Variants in PLCL2 observed in about 807,000 individuals in gnomAD.
The protein encoded by PLCL2 is inactive phospholipase C-like protein 2.
Under a neutral mutation model 79.6 loss-of-function variants are expected in PLCL2, and 4 were observed. The ratio of observed to expected loss-of-function variants is 0.05; its 90% CI spans 0.02 to 0.11. The LOEUF is 0.11. Among genes scored for constraint, PLCL2 ranks in the 10% least tolerant of loss-of-function variants. The pLI, the probability that PLCL2 is intolerant of heterozygous loss-of-function variation, is 1.00. For synonymous variants in PLCL2, 484 were observed against 457.7 expected, an observed-to-expected ratio of 1.06 and a Z score of -0.73; for missense variants, 895 against 1,291.0, an observed-to-expected ratio of 0.69 and a Z score of 4.70.
At chr3:16,920,852 A>T (rs1162117730) in intron 1 of PLCL2, among the ~76,000 whole-genome samples, 1 of 152,208 alleles carries the variant, frequency 6.6e-6, no homozygotes, top group East Asian at 1.9e-4. Flanking sequence ...ACCAAATCAT[A>T]ATCTATAAAT....
At position 17,010,099 on chromosome 3, in the gene PLCL2, T is replaced by G. The variant is rs758603989; in HGVS notation, c.753T>G (p.Ser251=). The change falls in exon 2 of 6, where the codon TCT becomes TCG. Residue 251 remains serine (S), a synonymous_variant. Transcript: ENST00000615277. The surrounding 1 kb of genome is among the most constrained non-coding windows in gnomAD (Gnocchi z 5.8). ...TTACAGGACTGCGGTACCTAATTTC[T>G]TATGGAAAACATACACTTGATATGT... ...IWVTGLRYLI[S]YGKHTLDMLE... 1.9e-6 allele frequency: 3 copies of G among 1,614,104 alleles called. No individual in the cohort carries two copies. The highest frequency in any genetic ancestry group is 1.7e-5 in the Admixed American group (1 of 60,016).
At chr3:17,040,127 T>G (rs79980806) in intron 3 of PLCL2, among the ~76,000 whole-genome samples, 1 of 152,054 alleles carries the variant, frequency 6.6e-6, no homozygotes, top group East Asian at 1.9e-4. Context: ...TGTTCTTTTT[T>G]TTATATATAT....
rs77591817 is a variant in PLCL2, at chr3:17,059,172, A to G, written c.3095-8784A>G. Among the ~76,000 whole-genome samples the G allele has an allele frequency of 2.2e-3, 337 of 152,304 alleles. 2 individuals are homozygous for G. The highest frequency in any genetic ancestry group is 7.6e-3 in the African/African-American group (315 of 41,558). ...TTACCAGGAGGGCCCTGGGACATAC[A>G]TTATGATACATCCTTATAATGGAAC... On this transcript the variant is annotated intron_variant, in intron 4 of 5. Coordinates refer to ENST00000615277, the MANE Select transcript of PLCL2 (RefSeq NM_001144382.2).
At chr3:17,044,914 AT>A (rs2064764978) in intron 4 of PLCL2, among the ~76,000 whole-genome samples, 1 of 152,166 alleles carries the variant, frequency 6.6e-6, no homozygotes, top group Admixed American at 6.5e-5. Context: ...AGGGATTTTG[AT>A]TAGGATGGGG....
chr3:17,089,895 G>A lies in PLCL2; in HGVS notation c.3367G>A (p.Asp1123Asn), dbSNP rs144964120. Residue 1123 changes from aspartate to asparagine, a missense_variant, in exon 6 of 6, where the codon GAT (aspartate) becomes AAT (asparagine). By Grantham distance (23) the Asp-to-Asn change is conservative (BLOSUM62 1). Transcript: ENST00000615277. ...GGAAGTCATACCCGAAAAAGCAAAC[G>A]ATGAAACTGGAGAATGAGGAAACTT... ...SLEVIPEKAN[D>N]ETGE The A allele has an allele frequency of 2.3e-5, 37 of 1,612,706 alleles. No homozygotes were observed. In the African/African-American group the frequency reaches 3.1e-4, roughly 13 times the overall value.
intron 1 of PLCL2, among the ~76,000 whole-genome samples, chr3:16,926,265 T>A (rs1479361458): frequency 6.6e-6 from 1 of 152,202 alleles, no homozygotes; most frequent in Non-Finnish European, 1.5e-5. Flanking sequence ...CATAATCAAA[T>A]GCTCCAGAAT....
At chr3:17,040,567 G>C (rs915725553) in intron 3 of PLCL2, among the ~76,000 whole-genome samples, 5 of 152,164 alleles carry the variant, frequency 3.3e-5, no homozygotes, top group Non-Finnish European at 7.4e-5. Flanking sequence ...TAAATGGGGA[G>C]TCAGCCGTGA....
Position 17,011,767 on chromosome 3 carries a change from C to T in PLCL2, c.2421C>T (p.Asp807=), listed in dbSNP as rs144668204. Reference sequence around the variant, plus strand: ...CAAAAACAGTGCACCAGAATGGAGACGCTCCCATTTTTGATGAAAGCTTTG... The same window carrying T: ...CAAAAACAGTGCACCAGAATGGAGATGCTCCCATTTTTGATGAAAGCTTTG... ...QRTKTVHQNG[D]APIFDESFEF... is the part of the protein sequence containing the mutation. The change falls in exon 2 of 6, where the codon GAC becomes GAT. Residue 807 remains aspartate, a synonymous_variant. Coordinates refer to ENST00000615277, the MANE Select transcript of PLCL2 (RefSeq NM_001144382.2). This position sits in a 1 kb window ranked among gnomAD's most constrained non-coding sequence, Gnocchi z 7.9. The T allele has an allele frequency of 1.4e-5, 22 of 1,614,038 alleles. No individual in the cohort carries two copies. The highest frequency in any genetic ancestry group is 1.0e-4 in the Admixed American group (6 of 60,002).
intron 3 of PLCL2, among the ~76,000 whole-genome samples, chr3:17,018,433 T>C (rs1328064312): frequency 1.3e-5 from 2 of 152,190 alleles, no homozygotes; most frequent in Non-Finnish European, 2.9e-5. Context: ...TCCCATGATT[T>C]TGGGGCTCAA....
At position 16,933,227 on chromosome 3, in the gene PLCL2, C is replaced by A. The variant is rs537488110; in HGVS notation, c.327+47861C>A. ...AGCAGTGCTCCCCTGTGACGTGCTCCATCACCGGGCAGGGAAGACACCGCT... is the reference window on the plus strand; with the variant it reads ...AGCAGTGCTCCCCTGTGACGTGCTCAATCACCGGGCAGGGAAGACACCGCT... On this transcript the variant is annotated intron_variant, in intron 1 of 5. Coordinates refer to ENST00000615277, the MANE Select transcript of PLCL2 (RefSeq NM_001144382.2). The A allele has an allele frequency of 2.2e-4, 34 of 154,930 alleles. 1 individual carries two copies. In the South Asian group the frequency reaches 6.5e-3, roughly 30 times the overall value. The allele number at this position is 154,930 out of a possible 1,614,324, so 9.6% of individuals were successfully genotyped here.
In PLCL2 at chr3:17,011,355, G is replaced by A. The variant is rs766089294; in HGVS notation, c.2009G>A (p.Arg670His). The A allele has an allele frequency of 4.3e-6, 7 of 1,613,938 alleles. No homozygotes were observed. In the South Asian group the frequency reaches 5.5e-5, roughly 13 times the overall value. The change falls in exon 2 of 6, where the codon CGT becomes CAT. Residue 670 changes from arginine to histidine, a missense_variant. Physicochemically the swap from Arg to His is conservative, Grantham distance 29. This residue lies in a region of PLCL2 where 242 missense variants were observed against 399.5 expected (regional missense o/e 0.61). Coordinates refer to ENST00000615277, the MANE Select transcript of PLCL2 (RefSeq NM_001144382.2). The surrounding 1 kb of genome is among the most constrained non-coding windows in gnomAD (Gnocchi z 7.9). The stretch of plus-strand genomic sequence containing the variant: ...GGGGACTTTGTAAATTACAACAAAC[G>A]TTTTCTTGCTAGGGTTTTTCCCAGT... ...NPGDFVNYNK[R>H]FLARVFPSPM... is the part of the protein sequence containing the mutation.
intron 1 of PLCL2, among the ~76,000 whole-genome samples, chr3:16,940,529 A>G (rs544735588): frequency 5.1e-4 from 77 of 152,208 alleles, no homozygotes; most frequent in Non-Finnish European, 9.4e-4. Flanking sequence ...AAAACTACCT[A>G]TCGGATACTG....
Position 16,961,126 on chromosome 3 carries a change from C to A in PLCL2, c.328-48548C>A, listed in dbSNP as rs972690305. ...TGTTTCAGTGGAGATGGAGACCCCA[C>A]GCTTTCCTTAGGATAACCTTCTAAC... On this transcript the variant is annotated intron_variant, in intron 1 of 5. Coordinates refer to ENST00000615277, the MANE Select transcript of PLCL2 (RefSeq NM_001144382.2). Among the ~76,000 whole-genome samples the A allele has an allele frequency of 2.6e-5, 4 of 152,304 alleles. No homozygotes were observed. The South Asian group carries it at 8.3e-4, about 32-fold the overall frequency.
At chr3:16,897,246 C>A (rs1284968752) in intron 1 of PLCL2, among the ~76,000 whole-genome samples, 1 of 151,610 alleles carries the variant, frequency 6.6e-6, no homozygotes, top group South Asian at 2.1e-4. Flanking sequence ...GTGAAAATGA[C>A]AGTCTGCCCT....
At position 17,011,268 on chromosome 3, in the gene PLCL2, A is replaced by C; in HGVS notation, c.1922A>C (p.Lys641Thr). 1.2e-6 allele frequency: 2 copies of C among 1,614,234 alleles called. No individual in the cohort carries two copies. Among genetic ancestry groups the C allele is most frequent in the Non-Finnish European group, 1.7e-6 (2 of 1,180,042 alleles). Residue 641 changes from lysine to threonine, a missense_variant, in exon 2 of 6, where the codon AAG (lysine) becomes ACG (threonine). Coordinates refer to ENST00000615277, the MANE Select transcript of PLCL2 (RefSeq NM_001144382.2). This position sits in a 1 kb window ranked among gnomAD's most constrained non-coding sequence, Gnocchi z 7.9. ...TTTCAGGTGTCGTTTCAGGTTCAGA[A>C]GTACTGGGAAGTCTGTTCCTTTAAT... Reference protein sequence around the residue: ...KEFQVSFQVQKYWEVCSFNEV... With the variant: ...KEFQVSFQVQTYWEVCSFNEV...
chr3:17,028,591 C>A (rs2064543900), intron 3 of PLCL2, among the ~76,000 whole-genome samples: 3 of 151,966 alleles, frequency 2.0e-5, no homozygotes, highest in Non-Finnish European at 2.9e-5. Flanking sequence ...ATTCTCCTGC[C>A]TCAGCCTCCT....
chr3:17,051,529 C>G (rs2064838568), intron 4 of PLCL2, among the ~76,000 whole-genome samples: 1 of 144,198 alleles, frequency 6.9e-6, no homozygotes, highest in East Asian at 3.6e-4. Flanking sequence ...GCTGAAAGTA[C>G]CCTGTTCTGG....
intron 3 of PLCL2, among the ~76,000 whole-genome samples, chr3:17,042,591 A>G (rs1169410616): frequency 2.0e-5 from 3 of 152,218 alleles, no homozygotes; most frequent in South Asian, 2.1e-4. Context: ...TCACGCTGAA[A>G]TGAACTCAGT....
At chr3:16,908,719 C>A (rs962450564) in intron 1 of PLCL2, among the ~76,000 whole-genome samples, 2 of 152,068 alleles carry the variant, frequency 1.3e-5, no homozygotes, top group Admixed American at 1.3e-4. Context: ...GGGAGGTGGG[C>A]AGCTCAGGTT....
Sources: allele counts gnomAD v4.1 joint callset (sites outside exome capture counted in the v4.1 genomes callset), GRCh38; gene constraint gnomAD v4.1.1; regional missense constraint gnomAD v4.1.1; non-coding constraint Gnocchi (gnomAD v3.1); transcripts MANE v1.5; gene names NCBI Gene and HGNC (gene_info 2026-07-23, HGNC 2026-07-21).